KDR: variants seen among roughly 807,000 people sequenced by gnomAD.
KDR encodes vascular endothelial growth factor receptor 2.
In KDR, 43 loss-of-function variants were observed where a neutral mutation model predicts 160.9. The ratio of observed to expected loss-of-function variants is 0.27; its 90% confidence interval spans 0.21 to 0.34. The LOEUF (loss-of-function observed/expected upper bound fraction) is 0.34. Ranked by LOEUF, KDR falls within the 10% of genes least tolerant of loss-of-function variation. KDR has a pLI of 1.00. For synonymous variants in KDR, 617 were observed against 600.1 expected, an observed-to-expected ratio of 1.03 and a Z score of -0.41; for missense variants, 1,469 against 1,666.4, an observed-to-expected ratio of 0.88 and a Z score of 2.06.
intron 15 of KDR, among the ~76,000 whole-genome samples, chr4:55,100,158 C>T (rs543144674): frequency 6.6e-5 from 10 of 152,238 alleles, no homozygotes; most frequent in East Asian, 1.9e-4. Context: ...TGGCCCACTA[C>T]GGCCTCAAGA....
rs1236160208 is a variant in KDR, at chr4:55,118,710, G to C, written c.252C>G (p.Phe84Leu). The change falls in exon 3 of 30, where the codon TTC becomes TTG. Residue 84 changes from phenylalanine to leucine, a missense_variant. This residue lies in a region of KDR where 792 missense variants were observed against 840.9 expected (regional missense o/e 0.94). Transcript: ENST00000263923. ...VEVTECSDGL[F>L]CKTLTIPKVI... ...CTTTTGGAATTGTGAGTGTCTTACA[G>C]AAGAGGCCATCGCTGCACTCAGTCA... 10 of 1,613,960 alleles carry C rather than the reference G, an allele frequency of 6.2e-6. No homozygotes were observed. Among genetic ancestry groups the C allele is most frequent in the Non-Finnish European group, 4.2e-6 (5 of 1,179,946 alleles).
Position 55,089,410 on chromosome 4 carries a change from G to T in KDR, c.3368C>A (p.Thr1123Asn), listed in dbSNP as rs374457339. 7.4e-6 allele frequency: 12 copies of T among 1,612,830 alleles called. No individual in the cohort carries two copies. Among genetic ancestry groups the T allele is most frequent in the Non-Finnish European group, 1.0e-5 (12 of 1,179,122 alleles). Residue 1123 changes from threonine to asparagine, a missense_variant, in exon 25 of 30, where the codon ACT becomes AAT. Coordinates refer to ENST00000263923, the MANE Select transcript of KDR (RefSeq NM_002253.4). ...AGTATAATCAGGGGCCCTCATTCTA[G>T]TTCCTTCTTTCAATCGCCTACAAAA... Reference protein sequence around the residue: ...EEFCRRLKEGTRMRAPDYTTP... With the variant: ...EEFCRRLKEGNRMRAPDYTTP...
intron 2 of KDR, 136 bp from the exon 3 acceptor site, chr4:55,118,936 T>C: frequency 2.7e-6 from 2 of 747,210 alleles, no homozygotes; most frequent in Non-Finnish European, 4.6e-6. Context: ...CGGCCAGGCA[T>C]GGTGGCTCAT....
At chr4:55,114,642 C>T (rs1394187519) in intron 5 of KDR, among the ~76,000 whole-genome samples, 3 of 152,170 alleles carry the variant, frequency 2.0e-5, no homozygotes, top group Non-Finnish European at 2.9e-5. Flanking sequence ...TAATACCATT[C>T]GCTTTCATCC....
intron 16 of KDR, among the ~76,000 whole-genome samples, 172 bp downstream of exon 16, chr4:55,098,525 T>A (rs557735759): frequency 3.3e-5 from 5 of 152,212 alleles, no homozygotes; most frequent in African/African-American, 1.2e-4. Flanking sequence ...TTCTATCAAT[T>A]AAATCCCTGA....
chr4:55,080,989 A>G (rs1560511198), intron 29 of KDR, among the ~76,000 whole-genome samples: 1 of 152,218 alleles, frequency 6.6e-6, no homozygotes, highest in African/African-American at 2.4e-5. Flanking sequence ...GAGAAATACA[A>G]TTTTTTCTTT....
chr4:55,085,758 C>T (rs1366726660), intron 27 of KDR, among the ~76,000 whole-genome samples: 2 of 152,300 alleles, frequency 1.3e-5, no homozygotes, highest in East Asian at 3.9e-4. Flanking sequence ...ATTCAAAAAT[C>T]ACAGACAGAA....
chr4:55,125,438 G>A lies in KDR; in HGVS notation c.-145C>T, dbSNP rs903267541. On this transcript the variant is annotated 5_prime_UTR_variant, in exon 1 of 30. Coordinates refer to ENST00000263923, the MANE Select transcript of KDR (RefSeq NM_002253.4). ...GAGCGCACAGGGCTAGGGAGCCCGGGCGCCGACCGCGGCTGCAGGGGCGTC... is the reference window on the plus strand; with the variant it reads ...GAGCGCACAGGGCTAGGGAGCCCGGACGCCGACCGCGGCTGCAGGGGCGTC... The A allele has an allele frequency of 9.9e-7, 1 of 1,007,136 alleles. No individual in the cohort carries two copies. The highest frequency in any genetic ancestry group is 1.6e-5 in the African/African-American group (1 of 62,296). The allele number at this position is 1,007,136 out of a possible 1,614,324, so 62.4% of individuals were successfully genotyped here. A position where few individuals can be genotyped will look rare whatever the true frequency, so the allele number is the denominator to read the frequency against.
At position 55,110,516 on chromosome 4, in the gene KDR, T is replaced by C; in HGVS notation, c.1142A>G (p.His381Arg). 1.2e-6 allele frequency: 2 copies of C among 1,614,078 alleles called. No individual in the cohort carries two copies. Among genetic ancestry groups the C allele is most frequent in the Non-Finnish European group, 1.7e-6 (2 of 1,179,960 alleles). Residue 381 changes from histidine (H) to arginine (R), a missense_variant, in exon 9 of 30, where the codon CAT becomes CGT. His to Arg is a conservative substitution (Grantham distance 29). Around this residue, in one of 7 missense-constraint regions of KDR, gnomAD observed 792 missense variants for 840.9 expected, o/e 0.94. Coordinates refer to ENST00000263923, the MANE Select transcript of KDR (RefSeq NM_002253.4). ...ACTCACTTCCATAATCGTCAGTACA[T>C]GCCCCGCTTTAATTGTGTGATTGGA... Reference protein sequence around the residue: ...LESNHTIKAGHVLTIMEVSER... With the variant: ...LESNHTIKAGRVLTIMEVSER...
chr4:55,096,901 G>C (rs1025318268), intron 18 of KDR, among the ~76,000 whole-genome samples: 3 of 152,104 alleles, frequency 2.0e-5, no homozygotes, highest in Non-Finnish European at 2.9e-5. Context: ...TAATTCACAG[G>C]CATGGTCCAC....
intron 10 of KDR, 103 bp downstream of exon 10, chr4:55,107,634 T>TC (rs1720477061): frequency 2.7e-6 from 4 of 1,471,864 alleles, no homozygotes. Flanking sequence ...GAGAGAAAAC[T>TC]TTTTTTGGTT....
chr4:55,096,166 C>T, intron 19 of KDR, 63 bp downstream of exon 19: 2 of 893,146 alleles, frequency 2.2e-6, no homozygotes, highest in Non-Finnish European at 3.8e-6. Context: ...GACTGCTTTC[C>T]CTCAAACACT....
intron 1 of KDR, among the ~76,000 whole-genome samples, chr4:55,121,668 T>C (rs1025013159): frequency 1.1e-4 from 16 of 152,210 alleles, no homozygotes; most frequent in African/African-American, 3.9e-4. Flanking sequence ...TATGACCTTG[T>C]CTCATTTTCC....
chr4:55,110,206 G>A (rs917640173), intron 9 of KDR, among the ~76,000 whole-genome samples, 197 bp downstream of exon 9: 6 of 152,164 alleles, frequency 3.9e-5, no homozygotes, highest in South Asian at 2.1e-4. Context: ...TCATTTACAC[G>A]GCCTCTTAAA....
chr4:55,114,377 C>T, intron 5 of KDR, 112 bp from the exon 6 acceptor site: 1 of 1,136,880 alleles, frequency 8.8e-7, no homozygotes, highest in Admixed American at 1.9e-5. Flanking sequence ...CATTGTTTTT[C>T]CCTGCAGGCC....
At chr4:55,087,549 C>T (rs1441052908) in intron 27 of KDR, 58 bp downstream of exon 27, 1 of 1,522,298 alleles carries the variant, frequency 6.6e-7, no homozygotes, top group East Asian at 2.3e-5. Flanking sequence ...TCCAATCCCC[C>T]TCCCGAGATG....
chr4:55,095,713 C>T (rs770009414), intron 19 of KDR, 48 bp from the exon 20 acceptor site: 3 of 1,354,632 alleles, frequency 2.2e-6, no homozygotes, highest in Non-Finnish European at 3.2e-6. Context: ...ACTCATATTC[C>T]TCACTAAGCG....
At position 55,125,571 on chromosome 4, in the gene KDR, C is replaced by G. The variant is rs986335112; in HGVS notation, c.-278G>C. On this transcript the variant is annotated 5_prime_UTR_variant, in exon 1 of 30. Coordinates refer to ENST00000263923, the MANE Select transcript of KDR (RefSeq NM_002253.4). ...AAACGCAGCGACCACACATTGACCG[C>G]TCTCCCGGGGTCCCGGGACTCAGTG... The G allele has an allele frequency of 1.7e-6, 1 of 580,832 alleles. No homozygotes were observed. 36.0% of individuals were successfully genotyped at this position (580,832 alleles called of 1,614,324 possible). A position where few individuals can be genotyped will look rare whatever the true frequency, so the allele number is the denominator to read the frequency against.
At chr4:55,085,615 G>A (rs181374571) in intron 27 of KDR, among the ~76,000 whole-genome samples, 1 of 152,324 alleles carries the variant, frequency 6.6e-6, no homozygotes, top group Admixed American at 6.5e-5. Flanking sequence ...ATTAAAATGT[G>A]ACCGTGAGTT....
Sources: gnomAD v4.1 joint callset for allele counts (sites outside exome capture counted in the v4.1 genomes callset) on GRCh38, gnomAD v4.1.1 for gene constraint, gnomAD v4.1.1 regional missense constraint, MANE v1.5 for transcripts, NCBI Gene and HGNC (gene_info 2026-07-23, HGNC 2026-07-21) for gene names.